ALPL: variants seen among roughly 807,000 people sequenced by gnomAD.
The protein encoded by ALPL is alkaline phosphatase, biomineralization associated.
A neutral mutation model predicts 51.3 loss-of-function variants in ALPL; 42 were observed. The observed-to-expected ratio is 0.82, with a 90% CI of 0.64 to 1.06. ALPL has a LOEUF of 1.06. ALPL is among the 50% of genes least tolerant of loss of function. ALPL has a pLI of 0.00. For missense variants in ALPL, 589 were observed against 709.4 expected (o/e 0.83, Z 1.93); for synonymous variants, 279 against 296.4 (o/e 0.94, Z 0.60).
intron 7 of ALPL, 33 bp from the exon 8 acceptor site, chr1:21,570,272 C>T (rs776664479): frequency 1.9e-6 from 3 of 1,610,218 alleles, no homozygotes; most frequent in African/African-American, 2.7e-5. Context: ...CTCCCTAGCC[C>T]CCGGCATGTG....
Position 21,533,924 on chromosome 1 carries a change from CAAA to C in ALPL, c.-104-20043_-104-20041del, listed in dbSNP as rs760101424. On this transcript the variant is annotated intron_variant, in intron 1 of 11. Coordinates refer to ENST00000374840, the MANE Select transcript of ALPL (RefSeq NM_000478.6). ...GGTGACAAGAGTAAAACTCTTGTCT[CAAA>C]AAAAAAAAAAGAAGAAGAAGAAGAA... Among the ~76,000 whole-genome samples the C allele has an allele frequency of 4.7e-5, 6 of 127,458 alleles. No individual in the cohort carries two copies. The East Asian group carries it at 6.4e-4, about 14-fold the overall frequency. 83.6% of individuals were successfully genotyped at this position (127,458 alleles called of 152,430 possible).
intron 8 of ALPL, 83 bp from the exon 9 acceptor site, chr1:21,573,582 C>T (rs938697134): frequency 4.9e-5 from 76 of 1,563,402 alleles, no homozygotes; most frequent in Non-Finnish European, 6.4e-5. Flanking sequence ...GCCTGCATTC[C>T]CTGAGACACC....
chr1:21,512,343 C>T (rs1430363202), intron 1 of ALPL, among the ~76,000 whole-genome samples: 1 of 152,236 alleles, frequency 6.6e-6, no homozygotes, highest in African/African-American at 2.4e-5. Context: ...TCAGTTTTCT[C>T]ATCTGCAATA....
chr1:21,551,718 G>GTTTTTTT (rs1558541700), intron 1 of ALPL, among the ~76,000 whole-genome samples: 2 of 92,216 alleles, frequency 2.2e-5, no homozygotes, highest in Non-Finnish European at 4.4e-5. Flanking sequence ...CAGCTTGCGT[G>GTTTTTTT]GTTTTTTTTT....
chr1:21,543,787 G>A (rs1412561703), intron 1 of ALPL, among the ~76,000 whole-genome samples: 2 of 152,130 alleles, frequency 1.3e-5, no homozygotes, highest in South Asian at 2.1e-4. Flanking sequence ...GCTCTAGACC[G>A]GGGGCTCCCT....
chr1:21,554,898 T>C (rs1644391120), intron 2 of ALPL, among the ~76,000 whole-genome samples: 1 of 116,030 alleles, frequency 8.6e-6, no homozygotes, highest in African/African-American at 3.5e-5. Context: ...TTTCTTTCTT[T>C]CTTTCTTTCT....
chr1:21,511,872 G>T (rs1643694361), intron 1 of ALPL, among the ~76,000 whole-genome samples: 1 of 152,226 alleles, frequency 6.6e-6, no homozygotes, highest in Non-Finnish European at 1.5e-5. Flanking sequence ...GTTGCCCAGA[G>T]GCACACAGAT....
At position 21,575,927 on chromosome 1, in the gene ALPL, A is replaced by G; in HGVS notation, c.1189+3A>G. The G allele has an allele frequency of 6.2e-7, 1 of 1,614,194 alleles. No individual in the cohort carries two copies. The highest frequency in any genetic ancestry group is 1.3e-5 in the African/African-American group (1 of 75,046). ...CCCCCGTGGCAACTCTATCTTTGGT[A>G]GGTGGGCCTTCTTTGGGGTGGACAC... is the stretch of plus-strand genomic sequence containing the variant. On this transcript the variant is annotated splice_donor_region_variant and intron_variant, in intron 10 of 11. Coordinates refer to ENST00000374840, the MANE Select transcript of ALPL (RefSeq NM_000478.6).
chr1:21,525,028 A>G (rs1434171588), intron 1 of ALPL, among the ~76,000 whole-genome samples: 1 of 152,222 alleles, frequency 6.6e-6, no homozygotes, highest in Non-Finnish European at 1.5e-5. Flanking sequence ...CTGAGTTTCT[A>G]TCTGAGGCTT....
At chr1:21,551,013 A>G (rs1421323711) in intron 1 of ALPL, among the ~76,000 whole-genome samples, 2 of 152,218 alleles carry the variant, frequency 1.3e-5, no homozygotes, top group Non-Finnish European at 1.5e-5. Flanking sequence ...CCCAGGGTAC[A>G]GGTAGGATGA....
chr1:21,529,367 A>G (rs1448060315), intron 1 of ALPL, among the ~76,000 whole-genome samples: 2 of 151,242 alleles, frequency 1.3e-5, no homozygotes, highest in South Asian at 2.1e-4. Flanking sequence ...CAACGCTCCC[A>G]CCCCAGCCTC....
chr1:21,560,880 C>T (rs1644475016), intron 3 of ALPL, 135 bp downstream of exon 3: 1 of 1,260,416 alleles, frequency 7.9e-7, no homozygotes. Context: ...GATGAGGGGC[C>T]AGGCTGTGGA....
At chr1:21,572,327 T>C (rs1211620368) in intron 8 of ALPL, among the ~76,000 whole-genome samples, 1 of 152,154 alleles carries the variant, frequency 6.6e-6, no homozygotes, top group Non-Finnish European at 1.5e-5. Context: ...GAGTTGGTCT[T>C]GGCTGTTGGC....
At chr1:21,556,583 G>A (rs370275604) in intron 2 of ALPL, among the ~76,000 whole-genome samples, 1 of 150,906 alleles carries the variant, frequency 6.6e-6, no homozygotes, top group African/African-American at 2.4e-5. Context: ...TCAAGATTAC[G>A]GTGAGCTATA....
At chr1:21,530,472 T>C (rs1644013110) in intron 1 of ALPL, among the ~76,000 whole-genome samples, 1 of 152,146 alleles carries the variant, frequency 6.6e-6, no homozygotes, top group Admixed American at 6.6e-5. Flanking sequence ...GTCGCCCAGT[T>C]CCAATGAGTC....
chr1:21,515,659 G>A (rs1007641322), intron 1 of ALPL, among the ~76,000 whole-genome samples: 2 of 152,202 alleles, frequency 1.3e-5, no homozygotes, highest in South Asian at 2.1e-4. Context: ...AAAGTGCTGG[G>A]ATTACAGGCA....
chr1:21,537,573 C>T (rs1047019626), intron 1 of ALPL, among the ~76,000 whole-genome samples: 20 of 152,338 alleles, frequency 1.3e-4, no homozygotes, highest in African/African-American at 3.8e-4. Context: ...CCCCCCCCAC[C>T]GCCATCCCCC....
At chr1:21,536,356 C>G (rs900641110) in intron 1 of ALPL, among the ~76,000 whole-genome samples, 2 of 152,208 alleles carry the variant, frequency 1.3e-5, no homozygotes, top group African/African-American at 4.8e-5. Context: ...TTTGGTTGCT[C>G]ACAATCTAAA....
At chr1:21,517,793 G>C (rs1010462038) in intron 1 of ALPL, among the ~76,000 whole-genome samples, 2 of 152,084 alleles carry the variant, frequency 1.3e-5, no homozygotes, top group Non-Finnish European at 2.9e-5. Context: ...TGTGGATGGC[G>C]AATAGCCAGC....
Sources: gnomAD v4.1 joint callset for allele counts (sites outside exome capture counted in the v4.1 genomes callset) on GRCh38, gnomAD v4.1.1 for gene constraint, MANE v1.5 for transcripts, NCBI Gene and HGNC (gene_info 2026-07-23, HGNC 2026-07-21) for gene names.